Variants in TRAPPC12 observed in about 807,000 individuals in gnomAD.
TRAPPC12 encodes TPR repeat protein 15.
A neutral mutation model predicts 69.2 loss-of-function variants in TRAPPC12; 61 were observed. That is an observed-to-expected ratio of 0.88 (90% CI 0.72 to 1.09). The LOEUF (loss-of-function observed/expected upper bound fraction) is 1.09. Ranked by LOEUF, TRAPPC12 falls within the 50% of genes least tolerant of loss-of-function variation. The pLI is 0.00. For synonymous variants in TRAPPC12, 469 were observed against 438.9 expected (o/e 1.07, Z -0.86); for missense variants, 1,101 against 1,016.4 (o/e 1.08, Z -1.13).
intron 6 of TRAPPC12, among the ~76,000 whole-genome samples, chr2:3,446,872 T>G (rs1572173730): frequency 1.3e-5 from 2 of 152,310 alleles, no homozygotes; most frequent in East Asian, 3.9e-4. Context: ...CCTTTTAGGT[T>G]TGCAGCCATC....
At chr2:3,420,830 CAGA>C (rs1198300501) in intron 3 of TRAPPC12, among the ~76,000 whole-genome samples, 4 of 152,172 alleles carry the variant, frequency 2.6e-5, no homozygotes, top group African/African-American at 9.7e-5. Context: ...AGTTAGTATA[CAGA>C]AGAAGTGTGT....
In TRAPPC12 at chr2:3,457,626, G is replaced by C; in HGVS notation, c.1536G>C (p.Leu512=). 1 of 1,612,792 alleles carries C rather than the reference G, an allele frequency of 6.2e-7. No individual in the cohort carries two copies. The highest frequency in any genetic ancestry group is 8.5e-7 in the Non-Finnish European group (1 of 1,179,914). The part of the protein sequence containing the change: ...HKVKTVCSKI[L]ANLEQGLAED... The stretch of plus-strand genomic sequence containing the variant: ...CTCATTTGGAATGATTGCAGATCCT[G>C]GCCAATTTGGAGCAAGGCTTAGCAG... The change falls in exon 7 of 12, where the codon CTG becomes CTC. Residue 512 remains leucine (L), a synonymous_variant. Coordinates refer to ENST00000324266, the MANE Select transcript of TRAPPC12 (RefSeq NM_016030.6).
chr2:3,392,305 A>G (rs1660872767), intron 2 of TRAPPC12, among the ~76,000 whole-genome samples: 1 of 145,322 alleles, frequency 6.9e-6, no homozygotes, highest in African/African-American at 2.6e-5. Flanking sequence ...CTCTCCTGAC[A>G]CAAAGGAAGG....
chr2:3,473,758 A>G (rs1293577331), intron 9 of TRAPPC12, among the ~76,000 whole-genome samples: 1 of 152,224 alleles, frequency 6.6e-6, no homozygotes, highest in Non-Finnish European at 1.5e-5. Context: ...GGCATGAGCC[A>G]CTGGGCCCAG....
At position 3,471,547 on chromosome 2, in the gene TRAPPC12, TG is replaced by T. The variant is rs574731621; in HGVS notation, c.1776+5857del. On this transcript the variant is annotated intron_variant, in intron 9 of 11. Coordinates refer to ENST00000324266, the MANE Select transcript of TRAPPC12 (RefSeq NM_016030.6). Reference sequence around the variant, plus strand: ...CAGGGCCTCCACACAGCAAGGGGGCTGGGGGTTAGGAGGAGAGAGAATGGGG... The same window carrying T: ...CAGGGCCTCCACACAGCAAGGGGGCTGGGGTTAGGAGGAGAGAGAATGGGG... Among the ~76,000 whole-genome samples, 26 of 152,170 alleles carry T rather than the reference TG, an allele frequency of 1.7e-4. No homozygotes were observed. In the South Asian group the frequency reaches 5.4e-3, roughly 32 times the overall value.
chr2:3,466,673 C>A (rs1038706009), intron 9 of TRAPPC12, among the ~76,000 whole-genome samples: 2 of 152,164 alleles, frequency 1.3e-5, no homozygotes, highest in Non-Finnish European at 2.9e-5. Flanking sequence ...TTGTGGAAGT[C>A]CACATGGGAC....
chr2:3,388,701 G>A, intron 2 of TRAPPC12, 31 bp downstream of exon 2: 1 of 1,500,316 alleles, frequency 6.7e-7, no homozygotes, highest in Non-Finnish European at 8.9e-7. Flanking sequence ...TCCGCAGCCC[G>A]TGCCTCCTCT....
chr2:3,478,255 G>A (rs545156889), intron 10 of TRAPPC12, among the ~76,000 whole-genome samples: 130 of 152,352 alleles, frequency 8.5e-4, no homozygotes, highest in African/African-American at 3.1e-3. Flanking sequence ...CCTGCAGCCA[G>A]GATCAGAAAG....
At chr2:3,391,485 C>T (rs1160734661) in intron 2 of TRAPPC12, among the ~76,000 whole-genome samples, 1 of 152,148 alleles carries the variant, frequency 6.6e-6, no homozygotes, top group Non-Finnish European at 1.5e-5. Flanking sequence ...GAAGTGTAAG[C>T]CTATAGACAT....
intron 3 of TRAPPC12, 188 bp from the exon 4 acceptor site, chr2:3,421,693 C>T (rs1326762979): frequency 1.4e-5 from 10 of 716,958 alleles, no homozygotes; most frequent in East Asian, 1.3e-4. Context: ...CCTAATTACA[C>T]GTGCAGCGTT....
chr2:3,478,217 G>T, intron 10 of TRAPPC12: 1 of 161,372 alleles, frequency 6.2e-6, no homozygotes, highest in Non-Finnish European at 1.3e-5. Flanking sequence ...GTGCACGTTC[G>T]TGAGGAGGAA....
chr2:3,385,883 GA>G (rs1660466295), intron 1 of TRAPPC12, among the ~76,000 whole-genome samples: 1 of 152,262 alleles, frequency 6.6e-6, no homozygotes. Context: ...GGAAGGACCC[GA>G]AGGAGCAGCC....
At chr2:3,462,170 A>G (rs1665542480) in intron 8 of TRAPPC12, among the ~76,000 whole-genome samples, 1 of 152,224 alleles carries the variant, frequency 6.6e-6, no homozygotes, top group African/African-American at 2.4e-5. Flanking sequence ...GCATTTTAAG[A>G]CACATTAATA....
At chr2:3,411,670 A>G (rs1336881569) in intron 3 of TRAPPC12, among the ~76,000 whole-genome samples, 1 of 152,246 alleles carries the variant, frequency 6.6e-6, no homozygotes, top group East Asian at 1.9e-4. Flanking sequence ...GCATTTCCCC[A>G]TATAAAAGGG....
At chr2:3,411,767 G>C (rs1047073862) in intron 3 of TRAPPC12, among the ~76,000 whole-genome samples, 2 of 152,176 alleles carry the variant, frequency 1.3e-5, no homozygotes, top group Non-Finnish European at 2.9e-5. Flanking sequence ...TTCTACATAT[G>C]TGATTGTTTC....
At chr2:3,464,644 T>G (rs1224573619) in intron 8 of TRAPPC12, among the ~76,000 whole-genome samples, 1 of 152,254 alleles carries the variant, frequency 6.6e-6, no homozygotes, top group African/African-American at 2.4e-5. Context: ...CACAGCTCGC[T>G]CAATAAATGC....
In TRAPPC12 at chr2:3,465,490, G is replaced by A. The variant is rs183440118; in HGVS notation, c.1678-107G>A. 501 of 762,108 alleles carry A rather than the reference G, an allele frequency of 6.6e-4. No homozygotes were observed. In the African/African-American group the frequency reaches 7.6e-3, roughly 12 times the overall value. The allele number at this position is 762,108 out of a possible 1,614,324, so 47.2% of individuals were successfully genotyped here. On this transcript the variant is annotated intron_variant, in intron 8 of 11. Coordinates refer to ENST00000324266, the MANE Select transcript of TRAPPC12 (RefSeq NM_016030.6). ...CTTCCCCGCCAGCTCCTGCGTCAGC[G>A]TGTCCTCTCTCTACACCGCGTCTGT...
chr2:3,463,367 G>A (rs1665614215), intron 8 of TRAPPC12, among the ~76,000 whole-genome samples: 1 of 151,750 alleles, frequency 6.6e-6, no homozygotes, highest in African/African-American at 2.4e-5. Flanking sequence ...CGCTACTGTT[G>A]CTGAGCTGGT....
chr2:3,422,742 C>G (rs1662880293), intron 4 of TRAPPC12, among the ~76,000 whole-genome samples: 1 of 152,200 alleles, frequency 6.6e-6, no homozygotes, highest in Non-Finnish European at 1.5e-5. Context: ...ATGTACTTTC[C>G]CCCATCACCT....
Sources: allele counts gnomAD v4.1 joint callset (sites outside exome capture counted in the v4.1 genomes callset), GRCh38; gene constraint gnomAD v4.1.1; transcripts MANE v1.5; gene names NCBI Gene and HGNC (gene_info 2026-07-23, HGNC 2026-07-21).